The following TAS2R1 variants were observed in gnomAD, a reference collection of about 807,000 sequenced individuals.
TAS2R1 encodes the protein taste 2 receptor member 1, also known as taste receptor type 2 member 1.
For synonymous variants in TAS2R1, 141 were observed against 134.2 expected (o/e 1.05, Z -0.35); for missense variants, 370 against 353.4 (o/e 1.05, Z -0.38).
chr5:9,742,131 C>T, the TAS2R1 span, among the ~76,000 whole-genome samples: 6 of 152,012 alleles, frequency 3.9e-5, no homozygotes, highest in African/African-American at 7.3e-5. Context: ...GTGATCTGCC[C>T]GCCTCAGCCT....
At chr5:9,716,559 A>G (rs1161830699), upstream of TAS2R1, among the ~76,000 whole-genome samples, 1 of 151,906 alleles carries the variant, frequency 6.6e-6, no homozygotes, top group Non-Finnish European at 1.5e-5. Flanking sequence ...ATATATATAT[A>G]TATATGCTTA....
At chr5:9,738,621 G>A in the TAS2R1 span, among the ~76,000 whole-genome samples, 3 of 152,108 alleles carry the variant, frequency 2.0e-5, no homozygotes, top group Admixed American at 2.0e-4. Context: ...GCCCTCGTGG[G>A]TGATCAACCT....
chr5:9,715,533 C>A (rs570136196), upstream of TAS2R1, among the ~76,000 whole-genome samples: 32 of 152,322 alleles, frequency 2.1e-4, no homozygotes, highest in African/African-American at 7.5e-4. Context: ...CAAAGGTGCT[C>A]CCAAGGGAGT....
chr5:9,699,909 G>T (rs1741442142), intron 1 of TAS2R1, among the ~76,000 whole-genome samples: 1 of 151,942 alleles, frequency 6.6e-6, no homozygotes. Context: ...GGCATTCTCA[G>T]CCCAAGGAAG....
At chr5:9,756,611 A>T in the TAS2R1 span, among the ~76,000 whole-genome samples, 6 of 152,142 alleles carry the variant, frequency 3.9e-5, no homozygotes, top group Non-Finnish European at 8.8e-5. Flanking sequence ...AATTTTTTTT[A>T]TGTTTGTCTT....
chr5:9,713,686 A>G (rs907328652), upstream of TAS2R1: 2 of 152,216 alleles, frequency 1.3e-5, no homozygotes, highest in African/African-American at 4.8e-5. Context: ...AAAGCTCATG[A>G]AAGCTGGGAA....
the TAS2R1 span, among the ~76,000 whole-genome samples, chr5:9,877,516 T>C: frequency 1.3e-5 from 2 of 152,240 alleles, no homozygotes; most frequent in Non-Finnish European, 2.9e-5. Context: ...GGTACTCAAA[T>C]ACACACATGC....
At chr5:9,884,686 C>T in the TAS2R1 span, among the ~76,000 whole-genome samples, 1 of 152,124 alleles carries the variant, frequency 6.6e-6, no homozygotes. Context: ...GTCACCCCAA[C>T]CATTATTATG....
the TAS2R1 span, among the ~76,000 whole-genome samples, chr5:9,789,775 T>C: frequency 6.6e-6 from 1 of 152,384 alleles, no homozygotes; most frequent in African/African-American, 2.4e-5. Flanking sequence ...GTCCACCTAC[T>C]TCTTTTCTTG....
At chr5:9,759,412 A>G in the TAS2R1 span, among the ~76,000 whole-genome samples, 64,481 of 151,976 alleles carry the variant, frequency 0.42, 13,965 homozygotes, top group East Asian at 0.63. Flanking sequence ...TGAAAGATCA[A>G]CAGATCAGTG....
chr5:9,790,206 G>A, the TAS2R1 span, among the ~76,000 whole-genome samples: 4 of 152,288 alleles, frequency 2.6e-5, 1 homozygote, highest in Admixed American at 2.6e-4. Context: ...CACTTTGCAA[G>A]GAAATAGAGA....
chr5:9,761,122 T>G, the TAS2R1 span: 1 of 152,280 alleles, frequency 6.6e-6, no homozygotes, highest in South Asian at 2.1e-4. Flanking sequence ...ACACAAAAGA[T>G]TATTGCTTTT....
In TAS2R1 at chr5:9,630,046, A is replaced by T. The variant is rs373041902; in HGVS notation, c.-14T>A. ...AGACTCTAGCATTTTAGGAATAAAA[A>T]ATTATTTACTTAAAAAATAATGAAG... On this transcript the variant is annotated 5_prime_UTR_variant, in exon 1 of 1. Transcript: ENST00000382492. 1 of 1,532,202 alleles carries T rather than the reference A, an allele frequency of 6.5e-7. No individual in the cohort carries two copies. Among genetic ancestry groups the T allele is most frequent in the Non-Finnish European group, 8.7e-7 (1 of 1,144,050 alleles). 94.9% of individuals were successfully genotyped at this position (1,532,202 alleles called of 1,614,324 possible).
the TAS2R1 span, chr5:9,889,523 G>C: frequency 8.5e-5 from 13 of 152,232 alleles, no homozygotes; most frequent in African/African-American, 3.1e-4. Flanking sequence ...GTTTACAGTT[G>C]AATTAAAGCA....
intron 1 of TAS2R1, among the ~76,000 whole-genome samples, chr5:9,692,831 G>A (rs1291370516): frequency 6.6e-6 from 1 of 152,102 alleles, no homozygotes; most frequent in Non-Finnish European, 1.5e-5. Flanking sequence ...GCCTCGTCCT[G>A]GCCATATCTT....
At chr5:9,681,919 T>C (rs368180947) in intron 1 of TAS2R1, among the ~76,000 whole-genome samples, 1 of 152,190 alleles carries the variant, frequency 6.6e-6, no homozygotes, top group East Asian at 1.9e-4. Context: ...ATGCTTTGAG[T>C]ATCTAGAATT....
the TAS2R1 span, among the ~76,000 whole-genome samples, chr5:9,796,289 T>C: frequency 2.6e-5 from 4 of 152,218 alleles, no homozygotes; most frequent in Admixed American, 1.3e-4. Flanking sequence ...AAGTCTTTCA[T>C]TGACTCACTG....
At chr5:9,879,131 C>T in the TAS2R1 span, among the ~76,000 whole-genome samples, 10 of 152,230 alleles carry the variant, frequency 6.6e-5, no homozygotes, top group Non-Finnish European at 1.3e-4. Context: ...TAAAGAGGCA[C>T]TTAGTAGTCA....
At chr5:9,738,267 C>T in the TAS2R1 span, among the ~76,000 whole-genome samples, 1 of 152,138 alleles carries the variant, frequency 6.6e-6, no homozygotes, top group Non-Finnish European at 1.5e-5. Context: ...AGGCCCTGAT[C>T]CAATTGGGGC....
Sources: gnomAD v4.1 joint callset for allele counts (sites outside exome capture counted in the v4.1 genomes callset) on GRCh38, gnomAD v4.1.1 for gene constraint, MANE v1.5 for transcripts, NCBI Gene and HGNC (gene_info 2026-07-23, HGNC 2026-07-21) for gene names.